Variants in SMS observed in about 807,000 individuals in gnomAD.
SMS encodes spermine synthase, also known as spermidine aminopropyltransferase.
Under a neutral mutation model 33.0 loss-of-function variants are expected in SMS, and 3 were observed. The ratio of observed to expected loss-of-function variants is 0.09; its 90% CI spans 0.04 to 0.23. SMS has a LOEUF of 0.23. Ranked by LOEUF, SMS falls within the 10% of genes least tolerant of loss-of-function variation. The probability of loss-of-function intolerance (pLI) is 1.00; values close to 1 mark genes in which losing one functional copy is unlikely to be tolerated. For missense variants in SMS, 117 were observed against 288.6 expected, an observed-to-expected ratio of 0.41 and a Z score of 4.31; for synonymous variants, 103 against 112.2, an observed-to-expected ratio of 0.92 and a Z score of 0.52.
At chrX:21,973,865 C>T (rs1337912322) in intron 4 of SMS, among the ~76,000 whole-genome samples, 1 of 113,265 alleles carries the variant, frequency 8.8e-6, no homozygotes, top group East Asian at 2.8e-4. Flanking sequence ...AAGTGTTTGC[C>T]AGTGGTGTCA....
At chrX:21,952,282 A>G (rs1922655251) in intron 1 of SMS, among the ~76,000 whole-genome samples, 1 of 111,224 alleles carries the variant, frequency 9.0e-6, no homozygotes, top group African/African-American at 3.3e-5. Context: ...AAGTTGAGAA[A>G]GCTCTCCTCT....
chrX:21,961,267 A>G (rs1205084762), intron 1 of SMS, among the ~76,000 whole-genome samples: 4 of 109,778 alleles, frequency 3.6e-5, no homozygotes. Flanking sequence ...TTTATGAGGA[A>G]GTTAGGTCTG....
chrX:21,961,890 C>T (rs775801075), intron 1 of SMS, among the ~76,000 whole-genome samples: 2 of 112,372 alleles, frequency 1.8e-5, no homozygotes, highest in African/African-American at 3.2e-5. Flanking sequence ...CAAAGAAGAA[C>T]ATTTCATTGG....
At chrX:21,944,982 A>G (rs763625252) in intron 1 of SMS, among the ~76,000 whole-genome samples, 1 of 111,953 alleles carries the variant, frequency 8.9e-6, no homozygotes, top group Non-Finnish European at 1.9e-5. Context: ...GTGTCAAAAA[A>G]GCAAAACCCG....
At chrX:21,964,262 G>A (rs370590392) in intron 1 of SMS, among the ~76,000 whole-genome samples, 4 of 111,431 alleles carry the variant, frequency 3.6e-5, no homozygotes, top group African/African-American at 1.3e-4. Flanking sequence ...TTGGGCCACC[G>A]CTGCTCGGTG....
intron 1 of SMS, among the ~76,000 whole-genome samples, chrX:21,951,033 A>G (rs190825757): frequency 6.2e-5 from 7 of 112,409 alleles, no homozygotes; most frequent in Non-Finnish European, 1.1e-4. Flanking sequence ...TGTCTTCCAC[A>G]ATAGTTGAAC....
At chrX:21,963,214 C>G (rs1164809284) in intron 1 of SMS, among the ~76,000 whole-genome samples, 1 of 111,666 alleles carries the variant, frequency 9.0e-6, no homozygotes, top group Non-Finnish European at 1.9e-5. Context: ...GCTCCCCTTC[C>G]TGGAGTGTCT....
At chrX:21,945,795 T>G (rs79566618) in intron 1 of SMS, among the ~76,000 whole-genome samples, 13,247 of 109,483 alleles carry the variant, frequency 0.12, 708 homozygotes, top group Non-Finnish European at 0.17. Flanking sequence ...CGGCTAATTT[T>G]TGTATTTTTG....
chrX:21,988,513 AAATT>A (rs888648713), intron 9 of SMS, among the ~76,000 whole-genome samples: 1 of 109,307 alleles, frequency 9.1e-6, no homozygotes, highest in Non-Finnish European at 1.9e-5. Context: ...AAAATACAAA[AAATT>A]AGCCGGGCGC....
chrX:21,978,553 G>A (rs1156933927), intron 6 of SMS, among the ~76,000 whole-genome samples: 2 of 111,762 alleles, frequency 1.8e-5, no homozygotes, highest in African/African-American at 6.5e-5. Flanking sequence ...TCCAGCCTGG[G>A]TGACAGTAAG....
chrX:21,974,482 C>T (rs1220002804), intron 4 of SMS, among the ~76,000 whole-genome samples: 1 of 111,639 alleles, frequency 9.0e-6, no homozygotes, highest in East Asian at 2.8e-4. Context: ...TCATCTTTTC[C>T]TGTTGGCAGG....
At chrX:21,952,542 G>A (rs1352438508) in intron 1 of SMS, among the ~76,000 whole-genome samples, 2 of 106,820 alleles carry the variant, frequency 1.9e-5, no homozygotes, top group Non-Finnish European at 3.9e-5. Context: ...AAGGATTTTT[G>A]TGTCTATACT....
intron 7 of SMS, among the ~76,000 whole-genome samples, chrX:21,980,429 A>ATATAT (rs1556001657): frequency 1.1e-4 from 7 of 63,037 alleles, no homozygotes; most frequent in Admixed American, 6.0e-4. Context: ...AAAAAAAAAA[A>ATATAT]ATATATATAT....
chrX:21,968,125 C>G (rs1415798942), intron 2 of SMS, among the ~76,000 whole-genome samples: 1 of 112,192 alleles, frequency 8.9e-6, no homozygotes, highest in African/African-American at 3.2e-5. Flanking sequence ...CCTTGCTCAG[C>G]TCGAAGTAGG....
chrX:21,962,942 A>G (rs1484845350), intron 1 of SMS, among the ~76,000 whole-genome samples: 1 of 111,377 alleles, frequency 9.0e-6, no homozygotes, highest in African/African-American at 3.3e-5. Flanking sequence ...GGCATGAAAC[A>G]CCATGCCTGG....
chrX:21,941,353 T>A (rs1229205610), intron 1 of SMS: 1 of 246,138 alleles, frequency 4.1e-6, no homozygotes, highest in Non-Finnish European at 7.6e-6. Flanking sequence ...GACCTTTTCC[T>A]GTTCTTGCAG....
intron 4 of SMS, among the ~76,000 whole-genome samples, chrX:21,974,831 C>T (rs1924428685): frequency 9.9e-6 from 1 of 100,886 alleles, no homozygotes; most frequent in African/African-American, 3.6e-5. Context: ...TTGTTACTGG[C>T]CTCAAAAGGA....
intron 10 of SMS, among the ~76,000 whole-genome samples, chrX:21,993,005 G>A (rs371005685): frequency 1.8e-5 from 2 of 111,759 alleles, no homozygotes; most frequent in East Asian, 5.6e-4. Context: ...GGTGTTGCCA[G>A]ACCTGCAGCA....
intron 1 of SMS, among the ~76,000 whole-genome samples, chrX:21,948,349 C>T (rs1175522361): frequency 2.7e-5 from 3 of 110,081 alleles, no homozygotes; most frequent in Non-Finnish European, 5.7e-5. Flanking sequence ...TGACCCCCAT[C>T]CTGGCTAACA....
Sources: allele counts gnomAD v4.1 joint callset (sites outside exome capture counted in the v4.1 genomes callset), GRCh38; gene constraint gnomAD v4.1.1; transcripts MANE v1.5; gene names NCBI Gene and HGNC (gene_info 2026-07-23, HGNC 2026-07-21).